The following CA5A variants were observed in gnomAD, a reference collection of about 807,000 sequenced individuals.
CA5A encodes carbonic anhydrase 5A, also known as carbonic anhydrase 5A, mitochondrial.
In CA5A, 28 loss-of-function variants were observed where a neutral mutation model predicts 37.1. The ratio of observed to expected loss-of-function variants is 0.75; its 90% CI spans 0.56 to 1.03. The LOEUF (loss-of-function observed/expected upper bound fraction) is 1.03, where lower values mean the gene tolerates loss of function less well. Among genes scored for constraint, CA5A ranks in the 50% least tolerant of loss-of-function variants. The pLI, the probability that CA5A is intolerant of heterozygous loss-of-function variation, is 0.00. For synonymous variants in CA5A, 171 were observed against 158.4 expected, an observed-to-expected ratio of 1.08 and a Z score of -0.60; for missense variants, 444 against 399.9, an observed-to-expected ratio of 1.11 and a Z score of -0.94.
In CA5A at chr16:87,906,948, G is replaced by A. The variant is rs186674715; in HGVS notation, c.341-2044C>T. Reference sequence around the variant, plus strand: ...ATCACTTTGTTAGGCCAGGCACAGTGGCTCACGCCTGTAATCCTAGCACTT... The same window carrying A: ...ATCACTTTGTTAGGCCAGGCACAGTAGCTCACGCCTGTAATCCTAGCACTT... On this transcript the variant is annotated intron_variant, in intron 2 of 6. Coordinates refer to ENST00000649794, the MANE Select transcript of CA5A (RefSeq NM_001739.2). Among the ~76,000 whole-genome samples the A allele has an allele frequency of 3.0e-3, 456 of 152,240 alleles. 1 individual carries two copies. Among genetic ancestry groups the A allele is most frequent in the African/African-American group, 0.011 (441 of 41,538 alleles).
chr16:87,919,383 C>G lies in CA5A; in HGVS notation c.340+7365G>C, dbSNP rs541237087. The stretch of plus-strand genomic sequence containing the variant: ...CGGGGTCACCCTCGGGCTGGCCAGA[C>G]GAGCAGCCAAAGCCGGGCCCCTGAG... On this transcript the variant is annotated intron_variant, in intron 2 of 6. Coordinates refer to ENST00000649794, the MANE Select transcript of CA5A (RefSeq NM_001739.2). 2.0e-5 allele frequency among the ~76,000 whole-genome samples: 3 copies of G among 152,330 alleles called. No homozygotes were observed. In the South Asian group the frequency reaches 6.2e-4, roughly 32 times the overall value.
chr16:87,903,422 G>A (rs2143955363), intron 3 of CA5A, among the ~76,000 whole-genome samples: 1 of 152,310 alleles, frequency 6.6e-6, no homozygotes, highest in African/African-American at 2.4e-5. Context: ...CTAGGCAACA[G>A]AGTGATACTC....
rs539520679 is a variant in CA5A, at chr16:87,923,821, C to T, written c.340+2927G>A. The T allele has an allele frequency of 1.8e-5, 18 of 985,178 alleles. No individual in the cohort carries two copies. In the South Asian group the frequency reaches 8.5e-4, roughly 46 times the overall value. The allele number at this position is 985,178 out of a possible 1,614,324, so 61.0% of individuals were successfully genotyped here. The stretch of plus-strand genomic sequence containing the variant: ...AATTATCCAGGAGGAATATGAATCC[C>T]ATAGCAACTCATCTGTATCCATGAC... On this transcript the variant is annotated intron_variant, in intron 2 of 6. Coordinates refer to ENST00000649794, the MANE Select transcript of CA5A (RefSeq NM_001739.2).
At chr16:87,932,360 G>A (rs2056419508) in intron 1 of CA5A, among the ~76,000 whole-genome samples, 1 of 152,168 alleles carries the variant, frequency 6.6e-6, no homozygotes, top group African/African-American at 2.4e-5. Context: ...CACAGGTTGT[G>A]GGAAGAGCGG....
chr16:87,890,501 G>A (rs577707948), intron 6 of CA5A, among the ~76,000 whole-genome samples: 8 of 152,226 alleles, frequency 5.3e-5, no homozygotes, highest in Admixed American at 1.3e-4. Context: ...AACGTCTGCC[G>A]GGCGGGGGCG....
downstream of CA5A, chr16:87,885,073 G>T: frequency 6.5e-6 from 1 of 153,384 alleles, no homozygotes; most frequent in Non-Finnish European, 1.5e-5. Flanking sequence ...TGAGGCAGGA[G>T]AATCACCTGA....
At chr16:87,914,852 G>C (rs1247930641) in intron 2 of CA5A, among the ~76,000 whole-genome samples, 3 of 152,222 alleles carry the variant, frequency 2.0e-5, no homozygotes, top group Non-Finnish European at 4.4e-5. Context: ...CCCTCGTCAG[G>C]GGAGGGGATG....
chr16:87,902,175 G>GAA (rs1310953946), intron 4 of CA5A, among the ~76,000 whole-genome samples: 1 of 151,944 alleles, frequency 6.6e-6, no homozygotes, highest in Non-Finnish European at 1.5e-5. Flanking sequence ...CCAATATGGT[G>GAA]AAACCCTGTC....
chr16:87,882,538 C>G (rs1196817918), intron 4 of CA5A: 1 of 152,240 alleles, frequency 6.6e-6, no homozygotes, highest in Non-Finnish European at 1.5e-5. Flanking sequence ...CGACACCATC[C>G]TGTCACTTCG....
At chr16:87,921,139 G>C (rs2056224210) in intron 2 of CA5A, among the ~76,000 whole-genome samples, 1 of 151,996 alleles carries the variant, frequency 6.6e-6, no homozygotes, top group African/African-American at 2.4e-5. Context: ...ATATTGGCCA[G>C]TCTGGTCTCG....
rs1240080247 is a variant in CA5A at position 87,891,829 on chromosome 16, C to A, written c.744G>T (p.Gln248His). The change falls in exon 6 of 7, where the codon CAG becomes CAT. Residue 248 changes from glutamine (Q) to histidine (H), a missense_variant. Physicochemically the swap from Gln to His is conservative, Grantham distance 24. Transcript: ENST00000649794. ...PLTESVTWII[Q>H]KEPVEVAPSQ... ...TTGGGGCCACTTCAACGGGCTCCTT[C>A]TGGATGATCCAGGTGACCGACTCGG... The A allele has an allele frequency of 6.4e-6, 10 of 1,568,154 alleles. No homozygotes were observed. The highest frequency in any genetic ancestry group is 7.8e-6 in the Non-Finnish European group (9 of 1,161,008).
At chr16:87,912,856 C>T (rs2056072333) in intron 2 of CA5A, among the ~76,000 whole-genome samples, 1 of 152,206 alleles carries the variant, frequency 6.6e-6, no homozygotes, top group South Asian at 2.1e-4. Flanking sequence ...GCAGCCACCA[C>T]AACGGAACAG....
chr16:87,893,321 G>A (rs1026810422), intron 5 of CA5A: 11 of 355,354 alleles, frequency 3.1e-5, no homozygotes, highest in African/African-American at 1.7e-4. Context: ...TAGAGACGGG[G>A]TTTCACCATA....
intron 2 of CA5A, among the ~76,000 whole-genome samples, chr16:87,912,758 G>C (rs946811065): frequency 1.6e-4 from 25 of 152,348 alleles, no homozygotes; most frequent in African/African-American, 5.8e-4. Context: ...TTTCAGTGGA[G>C]CCCTGAAGAT....
chr16:87,910,084 A>AAAAC (rs138700597), intron 2 of CA5A, among the ~76,000 whole-genome samples: 153 of 151,776 alleles, frequency 1.0e-3, no homozygotes, highest in Non-Finnish European at 1.7e-3. Flanking sequence ...GAAGCACTCT[A>AAAAC]AAACAAACAA....
intron 1 of CA5A, among the ~76,000 whole-genome samples, chr16:87,929,930 A>G (rs541333716): frequency 1.3e-5 from 2 of 151,912 alleles, no homozygotes; most frequent in African/African-American, 4.8e-5. Context: ...AGAATGTACA[A>G]TACATTTTTA....
chr16:87,919,792 A>G (rs1198109331), intron 2 of CA5A, among the ~76,000 whole-genome samples: 1 of 151,960 alleles, frequency 6.6e-6, no homozygotes, highest in Admixed American at 6.6e-5. Flanking sequence ...AGAGAGAGGA[A>G]GGCAGGGGGC....
chr16:87,930,203 G>A (rs762595526), intron 1 of CA5A, among the ~76,000 whole-genome samples: 14 of 152,200 alleles, frequency 9.2e-5, no homozygotes, highest in Non-Finnish European at 2.1e-4. Context: ...CCCGTGCTCC[G>A]ACAGCATCTG....
At chr16:87,899,673 A>G (rs2055849665) in intron 5 of CA5A, among the ~76,000 whole-genome samples, 1 of 150,286 alleles carries the variant, frequency 6.7e-6, no homozygotes, top group Non-Finnish European at 1.5e-5. Context: ...TAATCCCAGC[A>G]ATTTGGGAGG....
Sources: allele counts gnomAD v4.1 joint callset (sites outside exome capture counted in the v4.1 genomes callset), GRCh38; gene constraint gnomAD v4.1.1; transcripts MANE v1.5; gene names NCBI Gene and HGNC (gene_info 2026-07-23, HGNC 2026-07-21).